Variants in SIL1 observed in about 807,000 individuals in gnomAD.
SIL1 encodes nucleotide exchange factor SIL1.
Under a neutral mutation model 49.1 loss-of-function variants are expected in SIL1, and 40 were observed. That is an observed-to-expected ratio of 0.81 (90% CI 0.63 to 1.06). SIL1 has a LOEUF of 1.06. SIL1 is among the 50% of genes least tolerant of loss of function. The pLI is 0.00. For missense variants in SIL1, 500 were observed against 572.6 expected (o/e 0.87, Z 1.29); for synonymous variants, 253 against 250.8 (o/e 1.01, Z -0.08).
At chr5:139,143,342 C>CATATATATATATATATAT (rs1254298733) in intron 1 of SIL1, among the ~76,000 whole-genome samples, 11 of 90,618 alleles carry the variant, frequency 1.2e-4, no homozygotes, top group African/African-American at 5.6e-4. Flanking sequence ...CACACACACA[C>CATATATATATATATATAT]ACATATATAT....
At chr5:139,192,191 A>C (rs1752185950) in intron 1 of SIL1, among the ~76,000 whole-genome samples, 1 of 151,046 alleles carries the variant, frequency 6.6e-6, no homozygotes, top group Non-Finnish European at 1.5e-5. Flanking sequence ...GGAGTTCAAG[A>C]CTAGCCTGGG....
At chr5:139,003,430 C>T (rs1196237665) in intron 7 of SIL1, among the ~76,000 whole-genome samples, 3 of 152,166 alleles carry the variant, frequency 2.0e-5, no homozygotes, top group African/African-American at 7.2e-5. Context: ...GTGAGGGAGA[C>T]GTCTTATGTG....
At chr5:139,051,239 A>T (rs1183919247) in intron 3 of SIL1, 193 bp from the exon 4 acceptor site, 1 of 623,252 alleles carries the variant, frequency 1.6e-6, no homozygotes, top group East Asian at 2.9e-5. Context: ...CTAATCTATA[A>T]GGAAATCTGT....
intron 3 of SIL1, among the ~76,000 whole-genome samples, chr5:139,112,795 G>A (rs1348871448): frequency 6.6e-6 from 1 of 152,206 alleles, no homozygotes; most frequent in Non-Finnish European, 1.5e-5. Context: ...CGTCTGGGAG[G>A]TGCACCCAAC....
In SIL1 at chr5:139,042,684, T is replaced by C. The variant is rs766881758; in HGVS notation, c.389A>G (p.Asp130Gly). 1 of 1,614,146 alleles carries C rather than the reference T, an allele frequency of 6.2e-7. No homozygotes were observed. Among genetic ancestry groups the C allele is most frequent in the African/African-American group, 1.3e-5 (1 of 75,030 alleles). The change falls in exon 5 of 10, where the codon GAT becomes GGT. Residue 130 changes from aspartate to glycine, a missense_variant. Coordinates refer to ENST00000394817, the MANE Select transcript of SIL1 (RefSeq NM_022464.5). Reference protein sequence around the residue: ...DINTNTYTSQDLKSALAKFKE... With the variant: ...DINTNTYTSQGLKSALAKFKE... ...GAATTTTGCCAGTGCACTCTTGAGA[T>C]CCTGAGATGTGTAGGTGTTGGTGTT...
intron 1 of SIL1, among the ~76,000 whole-genome samples, chr5:139,133,018 C>A (rs964147736): frequency 2.0e-5 from 3 of 152,046 alleles, no homozygotes; most frequent in Admixed American, 6.6e-5. Context: ...CACTTGCCAC[C>A]CATAAACTCT....
rs146454298 is a variant in SIL1 at position 139,161,335 on chromosome 5, C to T, written c.-10-33482G>A. On this transcript the variant is annotated intron_variant, in intron 1 of 9. Coordinates refer to ENST00000394817, the MANE Select transcript of SIL1 (RefSeq NM_022464.5). ...GGAGAAAGCTAACAAGCAGGCTGTC[C>T]AATATCCTTCATTTGAGAGCCGTAT... Among the ~76,000 whole-genome samples, 4 of 152,278 alleles carry T rather than the reference C, an allele frequency of 2.6e-5. No individual in the cohort carries two copies. In the East Asian group the frequency reaches 5.8e-4, roughly 22 times the overall value.
chr5:139,084,156 C>T (rs1414858929), intron 3 of SIL1, among the ~76,000 whole-genome samples: 9 of 151,880 alleles, frequency 5.9e-5, no homozygotes, highest in East Asian at 3.9e-4. Context: ...ATTGACTTGG[C>T]GATGCGGGAA....
At chr5:139,076,660 T>TA (rs892225762) in intron 3 of SIL1, among the ~76,000 whole-genome samples, 4 of 151,968 alleles carry the variant, frequency 2.6e-5, no homozygotes, top group Admixed American at 6.6e-5. Context: ...TGAGTAGACA[T>TA]AAAAAAACTG....
intron 1 of SIL1, among the ~76,000 whole-genome samples, chr5:139,162,617 C>G (rs775382682): frequency 6.6e-6 from 1 of 152,122 alleles, no homozygotes; most frequent in Non-Finnish European, 1.5e-5. Flanking sequence ...ATTTAAGGAA[C>G]AAAGCAGTAG....
At chr5:139,087,096 A>C (rs978135477) in intron 3 of SIL1, among the ~76,000 whole-genome samples, 3 of 152,080 alleles carry the variant, frequency 2.0e-5, no homozygotes, top group Non-Finnish European at 4.4e-5. Flanking sequence ...GCCTCCACAA[A>C]TAGTAGGATT....
Position 138,985,595 on chromosome 5 carries a change from C to G in SIL1, c.768-33711G>C, listed in dbSNP as rs567979072. 2.6e-5 allele frequency among the ~76,000 whole-genome samples: 4 copies of G among 152,320 alleles called. No homozygotes were observed. The East Asian group carries it at 5.8e-4, about 22-fold the overall frequency. The stretch of plus-strand genomic sequence containing the variant: ...AGGAAGGAACTCAGGGCACACTTCT[C>G]AAGCCAGAAAGAACCTCATATCTAG... On this transcript the variant is annotated intron_variant, in intron 7 of 9. Transcript: ENST00000394817.
chr5:139,042,194 C>A (rs141520469), intron 5 of SIL1, among the ~76,000 whole-genome samples: 9 of 152,238 alleles, frequency 5.9e-5, no homozygotes, highest in African/African-American at 2.2e-4. Flanking sequence ...AGGACAAGGA[C>A]AAGGATTCCG....
rs895939339 is a variant in SIL1, at chr5:139,121,017, C to T, written c.244+18G>A. On this transcript the variant is annotated intron_variant, in intron 3 of 9. Transcript: ENST00000394817. The stretch of plus-strand genomic sequence containing the variant: ...GAATTCAAAGTGTGTTTTGTGGGGA[C>T]AGGGCTGGGCCTGATACCTGGCTGA... 2 of 1,613,742 alleles carry T rather than the reference C, an allele frequency of 1.2e-6. No homozygotes were observed. Among genetic ancestry groups the T allele is most frequent in the African/African-American group, 1.3e-5 (1 of 75,044 alleles).
chr5:139,002,108 G>A (rs1053484062), intron 7 of SIL1, among the ~76,000 whole-genome samples: 2 of 151,976 alleles, frequency 1.3e-5, no homozygotes, highest in Middle Eastern at 3.4e-3. Flanking sequence ...CTACCTGGGG[G>A]ACTGGGGCAA....
chr5:139,055,605 T>TCC (rs1561844734), intron 3 of SIL1, among the ~76,000 whole-genome samples: 3 of 96,262 alleles, frequency 3.1e-5, no homozygotes, highest in African/African-American at 5.4e-5. Flanking sequence ...CCTCTCCCTC[T>TCC]CCCTCTCCCT....
chr5:139,154,261 C>T (rs1332478364), intron 1 of SIL1, among the ~76,000 whole-genome samples: 1 of 152,164 alleles, frequency 6.6e-6, no homozygotes, highest in African/African-American at 2.4e-5. Context: ...CCTTCATCAA[C>T]AAAGTTTTCT....
chr5:139,032,364 T>C (rs1457034073), intron 5 of SIL1, among the ~76,000 whole-genome samples: 2 of 152,256 alleles, frequency 1.3e-5, no homozygotes, highest in Non-Finnish European at 2.9e-5. Flanking sequence ...TGTTGGGTTA[T>C]ACTGATTATT....
chr5:138,998,611 T>C (rs1767923446), intron 7 of SIL1, among the ~76,000 whole-genome samples: 1 of 152,172 alleles, frequency 6.6e-6, no homozygotes, highest in Admixed American at 6.5e-5. Flanking sequence ...CAGGAACAAG[T>C]GTCTCACATG....
Sources: gnomAD v4.1 joint callset for allele counts (sites outside exome capture counted in the v4.1 genomes callset) on GRCh38, gnomAD v4.1.1 for gene constraint, MANE v1.5 for transcripts, NCBI Gene and HGNC (gene_info 2026-07-23, HGNC 2026-07-21) for gene names.